AKAP13: variants seen among roughly 807,000 people sequenced by gnomAD.
The protein encoded by AKAP13 is A-kinase anchor protein 13.
Under a neutral mutation model 264.5 loss-of-function variants are expected in AKAP13, and 80 were observed. That is an observed-to-expected ratio of 0.30 (90% CI 0.25 to 0.36). The LOEUF (loss-of-function observed/expected upper bound fraction) is 0.36, where lower values mean the gene tolerates loss of function less well. AKAP13 is among the 10% of genes least tolerant of loss of function. The pLI is 1.00. For missense variants in AKAP13, 3,712 were observed against 3,435.2 expected, an observed-to-expected ratio of 1.08 and a Z score of -2.01; for synonymous variants, 1,380 against 1,250.2, an observed-to-expected ratio of 1.10 and a Z score of -2.19.
chr15:85,621,151 G>A (rs1327750364), intron 8 of AKAP13: 3 of 152,138 alleles, frequency 2.0e-5, no homozygotes, highest in Non-Finnish European at 4.4e-5. Flanking sequence ...TTTATTACTT[G>A]GGTCTTTTCG....
rs1291197353 is a variant in AKAP13 at position 85,580,116 on chromosome 15, G to T, written c.2048G>T (p.Cys683Phe). The T allele has an allele frequency of 6.2e-7, 1 of 1,614,198 alleles. No individual in the cohort carries two copies. Among genetic ancestry groups the T allele is most frequent in the African/African-American group, 1.3e-5 (1 of 75,042 alleles). The change falls in exon 7 of 37, where the codon TGT becomes TTT. Residue 683 changes from cysteine (C) to phenylalanine (F), a missense_variant. Physicochemically the swap from Cys to Phe is radical, Grantham distance 205. Around this residue, in one of 3 missense-constraint regions of AKAP13, gnomAD observed 2,759 missense variants for 2,411.7 expected, o/e 1.14. Transcript: ENST00000394518. ...AGTGGCGATTTGGTTGCAAAACTGT[G>T]TGATAACATAGTTAGCGAGTCCGAA... ...TSSGDLVAKLCDNIVSESEST... is the reference protein window; with the variant it reads ...TSSGDLVAKLFDNIVSESEST...
At chr15:85,636,033 G>C (rs1298287941) in intron 8 of AKAP13, among the ~76,000 whole-genome samples, 1 of 152,076 alleles carries the variant, frequency 6.6e-6, no homozygotes, top group Non-Finnish European at 1.5e-5. Flanking sequence ...ACTGTATTGA[G>C]TCTTCTGATC....
intron 8 of AKAP13, among the ~76,000 whole-genome samples, chr15:85,591,802 C>A (rs2079591960): frequency 6.6e-6 from 1 of 152,104 alleles, no homozygotes; most frequent in Non-Finnish European, 1.5e-5. Flanking sequence ...TGAAGTATCT[C>A]AATAATAGTT....
chr15:85,713,024 T>C (rs541215331), intron 19 of AKAP13, among the ~76,000 whole-genome samples: 3 of 152,196 alleles, frequency 2.0e-5, no homozygotes, highest in Non-Finnish European at 4.4e-5. Context: ...GGGACGATAA[T>C]AGTATCATAG....
intron 10 of AKAP13, among the ~76,000 whole-genome samples, chr15:85,648,277 C>T (rs1374018478): frequency 4.2e-5 from 6 of 142,948 alleles, no homozygotes; most frequent in Admixed American, 2.8e-4. Flanking sequence ...AAAATTTTAA[C>T]GTAAAAAGTT....
chr15:85,426,722 T>G (rs1211934321), intron 1 of AKAP13, among the ~76,000 whole-genome samples: 2 of 152,204 alleles, frequency 1.3e-5, no homozygotes, highest in East Asian at 3.8e-4. Flanking sequence ...AGATCCTAAG[T>G]ACAGAGAGAT....
intron 4 of AKAP13, among the ~76,000 whole-genome samples, chr15:85,542,990 C>T (rs963554253): frequency 1.3e-5 from 2 of 152,174 alleles, no homozygotes; most frequent in African/African-American, 4.8e-5. Context: ...TGGTAAATGC[C>T]AGATTCGAAC....
chr15:85,604,289 G>T (rs1247592789), intron 8 of AKAP13, among the ~76,000 whole-genome samples: 1 of 152,140 alleles, frequency 6.6e-6, no homozygotes, highest in Admixed American at 6.5e-5. Flanking sequence ...TTTAATCACT[G>T]TGGCAGGAGT....
At chr15:85,405,885 C>T (rs1044511382) in intron 1 of AKAP13, among the ~76,000 whole-genome samples, 12 of 152,084 alleles carry the variant, frequency 7.9e-5, no homozygotes, top group African/African-American at 2.4e-4. Flanking sequence ...CTTGCCCCAT[C>T]GCCAAGGCTG....
chr15:85,533,966 C>G lies in AKAP13; in HGVS notation c.478+86C>G, dbSNP rs764672108. The G allele has an allele frequency of 1.1e-5, 15 of 1,370,282 alleles. No homozygotes were observed. In the African/African-American group the frequency reaches 2.2e-4, roughly 20 times the overall value. The allele number at this position is 1,370,282 out of a possible 1,614,324, so 84.9% of individuals were successfully genotyped here. ...AATGGGGCTACTTTTCTATGGTCAT[C>G]ATATTCAGGTCTTCCACAGAGGCTG... On this transcript the variant is annotated intron_variant, in intron 4 of 36. Transcript: ENST00000394518.
At chr15:85,518,267 C>G (rs942885393) in intron 2 of AKAP13, among the ~76,000 whole-genome samples, 1 of 152,110 alleles carries the variant, frequency 6.6e-6, no homozygotes, top group Non-Finnish European at 1.5e-5. Flanking sequence ...TCTTTAAAAG[C>G]CATCTCAAGT....
chr15:85,459,366 T>C (rs1283756370), intron 1 of AKAP13, among the ~76,000 whole-genome samples: 15 of 150,580 alleles, frequency 1.0e-4, no homozygotes, highest in Non-Finnish European at 1.8e-4. Context: ...TTTTTTTTTT[T>C]TTTTGTATTT....
chr15:85,731,200 T>A (rs1442929475), intron 30 of AKAP13, among the ~76,000 whole-genome samples: 1 of 151,974 alleles, frequency 6.6e-6, no homozygotes, highest in Non-Finnish European at 1.5e-5. Context: ...GATACAGGGT[T>A]TCACCATGTT....
intron 5 of AKAP13, among the ~76,000 whole-genome samples, chr15:85,554,328 CTT>C (rs1021314439): frequency 6.6e-6 from 1 of 152,120 alleles, no homozygotes; most frequent in Non-Finnish European, 1.5e-5. Context: ...TTAGATATCT[CTT>C]TATTTGGAGA....
chr15:85,666,588 G>T (rs1411071772), intron 13 of AKAP13, among the ~76,000 whole-genome samples: 1 of 151,942 alleles, frequency 6.6e-6, no homozygotes, highest in Non-Finnish European at 1.5e-5. Context: ...TCACTCTGTC[G>T]CCCATACTGG....
chr15:85,638,508 A>G (rs2082163161), intron 8 of AKAP13, among the ~76,000 whole-genome samples: 1 of 152,110 alleles, frequency 6.6e-6, no homozygotes, highest in Non-Finnish European at 1.5e-5. Context: ...AGGTTTTTCA[A>G]GTTTTCTCTA....
rs59420326 is a variant in AKAP13 at position 85,498,199 on chromosome 15, G to GATATATATATATAT, written c.33+12461_33+12474dup. On this transcript the variant is annotated intron_variant, in intron 2 of 36. Coordinates refer to ENST00000394518, the MANE Select transcript of AKAP13 (RefSeq NM_007200.5). ...TGGTAGTAAGGATTAAATGAAGTGA[G>GATATATATATATAT]ATATATATATATATATATATATATA... Among the ~76,000 whole-genome samples, 183 of 133,030 alleles carry GATATATATATATAT rather than the reference G, an allele frequency of 1.4e-3. 1 individual carries two copies. The highest frequency in any genetic ancestry group is 4.7e-3 in the African/African-American group (165 of 34,790). The allele number at this position is 133,030 out of a possible 152,430, so 87.3% of individuals were successfully genotyped here.
chr15:85,519,302 G>T (rs988339935), intron 2 of AKAP13, among the ~76,000 whole-genome samples: 7 of 152,004 alleles, frequency 4.6e-5, no homozygotes, highest in African/African-American at 1.7e-4. Flanking sequence ...AGGATTAAAA[G>T]GCCTTCTTTC....
At chr15:85,667,642 A>T (rs2083678309) in intron 13 of AKAP13, among the ~76,000 whole-genome samples, 1 of 152,252 alleles carries the variant, frequency 6.6e-6, no homozygotes, top group Admixed American at 6.5e-5. Flanking sequence ...AGACTGACAT[A>T]TCCCTTCAGA....
Sources: allele counts gnomAD v4.1 joint callset (sites outside exome capture counted in the v4.1 genomes callset), GRCh38; gene constraint gnomAD v4.1.1; regional missense constraint gnomAD v4.1.1; transcripts MANE v1.5; gene names NCBI Gene and HGNC (gene_info 2026-07-23, HGNC 2026-07-21).